DCC: variants seen among roughly 807,000 people sequenced by gnomAD.
The protein encoded by DCC is netrin receptor DCC.
Under a neutral mutation model 172.5 loss-of-function variants are expected in DCC, and 58 were observed. The ratio of observed to expected loss-of-function variants is 0.34; its 90% CI spans 0.27 to 0.42. DCC has a LOEUF of 0.42. DCC is among the 10% of genes least tolerant of loss of function. The pLI is 1.00. For synonymous variants in DCC, 709 were observed against 644.5 expected, an observed-to-expected ratio of 1.10 and a Z score of -1.52; for missense variants, 1,740 against 1,791.0, an observed-to-expected ratio of 0.97 and a Z score of 0.51.
At chr18:52,795,068 A>G (rs2037846360) in intron 2 of DCC, among the ~76,000 whole-genome samples, 1 of 141,520 alleles carries the variant, frequency 7.1e-6, no homozygotes, top group Non-Finnish European at 1.6e-5. Context: ...TATTGATCAG[A>G]AAAAATGGCC....
intron 5 of DCC, among the ~76,000 whole-genome samples, chr18:52,984,334 A>G (rs1011364547): frequency 1.3e-5 from 2 of 152,130 alleles, no homozygotes; most frequent in Non-Finnish European, 2.9e-5. Context: ...GGGAGGACTT[A>G]GGTTTTCAAA....
chr18:53,427,347 G>T (rs1911039044), intron 21 of DCC, among the ~76,000 whole-genome samples: 3 of 152,050 alleles, frequency 2.0e-5, no homozygotes, highest in Non-Finnish European at 4.4e-5. Context: ...TGACAGGAAG[G>T]ACTTCAGAGA....
intron 7 of DCC, among the ~76,000 whole-genome samples, chr18:53,117,006 A>G (rs1292655908): frequency 1.3e-5 from 2 of 151,720 alleles, no homozygotes; most frequent in African/African-American, 4.8e-5. Flanking sequence ...TTCACATTGA[A>G]CTATTTTTTA....
chr18:53,211,682 C>T (rs2055755265), intron 11 of DCC, among the ~76,000 whole-genome samples: 1 of 152,006 alleles, frequency 6.6e-6, no homozygotes, highest in African/African-American at 2.4e-5. Flanking sequence ...CGAGATCGTG[C>T]CTCTGCACTG....
chr18:53,110,636 A>G (rs2043316412), intron 7 of DCC, among the ~76,000 whole-genome samples: 1 of 150,806 alleles, frequency 6.6e-6, no homozygotes. Flanking sequence ...CAGCCAAAAA[A>G]CACATGAAAA....
chr18:53,521,204 G>A (rs2046395370), intron 27 of DCC, among the ~76,000 whole-genome samples: 1 of 152,096 alleles, frequency 6.6e-6, no homozygotes, highest in Admixed American at 6.6e-5. Context: ...CTTTTGTGAG[G>A]CTCACCATGT....
chr18:52,815,370 A>G (rs2038274596), intron 2 of DCC, among the ~76,000 whole-genome samples: 1 of 151,760 alleles, frequency 6.6e-6, no homozygotes, highest in Admixed American at 6.6e-5. Flanking sequence ...TAAAAGAGGA[A>G]GAGATAGTAG....
chr18:53,355,785 T>C (rs1444274005), intron 15 of DCC, among the ~76,000 whole-genome samples: 1 of 152,128 alleles, frequency 6.6e-6, no homozygotes, highest in Non-Finnish European at 1.5e-5. Context: ...CTGGCACTCG[T>C]TCTTATTTTT....
At chr18:52,479,144 A>T (rs1989180669) in intron 1 of DCC, among the ~76,000 whole-genome samples, 1 of 152,186 alleles carries the variant, frequency 6.6e-6, no homozygotes, top group Non-Finnish European at 1.5e-5. Flanking sequence ...ATATGGAGAG[A>T]TATGTACAGT....
chr18:52,933,763 G>A (rs2040342904), intron 5 of DCC, among the ~76,000 whole-genome samples: 1 of 152,050 alleles, frequency 6.6e-6, no homozygotes, highest in African/African-American at 2.4e-5. Context: ...AGCTACAAGT[G>A]CAGTTTTGTT....
At chr18:52,540,597 C>CTTTTTTTTTTTT (rs71175505) in intron 1 of DCC, among the ~76,000 whole-genome samples, 2 of 67,492 alleles carry the variant, frequency 3.0e-5, no homozygotes, top group South Asian at 5.5e-4. Context: ...ATTCAACTGC[C>CTTTTTTTTTTTT]TTTTTTTTTT....
At chr18:52,737,157 T>G (rs2036742789) in intron 1 of DCC, among the ~76,000 whole-genome samples, 1 of 152,198 alleles carries the variant, frequency 6.6e-6, no homozygotes, top group Non-Finnish European at 1.5e-5. Flanking sequence ...ACTGATTTTT[T>G]TTATATTAGA....
chr18:52,660,537 G>A (rs2035340154), intron 1 of DCC, among the ~76,000 whole-genome samples: 1 of 152,128 alleles, frequency 6.6e-6, no homozygotes, highest in African/African-American at 2.4e-5. Context: ...ATGAATCTGA[G>A]GGAGTAGAGT....
intron 2 of DCC, among the ~76,000 whole-genome samples, chr18:52,793,208 T>G (rs1427598894): frequency 6.6e-6 from 1 of 152,200 alleles, no homozygotes; most frequent in African/African-American, 2.4e-5. Context: ...GCAAATGGAC[T>G]TTCCGGTTGA....
intron 1 of DCC, among the ~76,000 whole-genome samples, chr18:52,382,954 A>G (rs1469330807): frequency 3.3e-5 from 5 of 152,186 alleles, no homozygotes; most frequent in Non-Finnish European, 7.4e-5. Flanking sequence ...CATGTTTTAA[A>G]AATTATGCAC....
chr18:53,090,028 G>A lies in DCC; in HGVS notation c.1261+23862G>A, dbSNP rs541907784. On this transcript the variant is annotated intron_variant, in intron 7 of 28. Coordinates refer to ENST00000442544, the MANE Select transcript of DCC (RefSeq NM_005215.4). ...GCTCTACTTTCTCCCCACTCCCCTC[G>A]CTATTTGGCACACTATTTTGTCCTC... Among the ~76,000 whole-genome samples, 53 of 152,040 alleles carry A rather than the reference G, an allele frequency of 3.5e-4. No homozygotes were observed. The South Asian group carries it at 0.01, about 30-fold the overall frequency.
intron 22 of DCC, among the ~76,000 whole-genome samples, chr18:53,448,776 C>T (rs551173773): frequency 1.3e-5 from 2 of 152,106 alleles, no homozygotes; most frequent in Non-Finnish European, 1.5e-5. Context: ...TCGCTTGAAC[C>T]CAGAAGGCAG....
chr18:53,486,997 A>G, intron 26 of DCC, 39 bp downstream of exon 26: 1 of 1,612,770 alleles, frequency 6.2e-7, no homozygotes, highest in Non-Finnish European at 8.5e-7. Flanking sequence ...GCACAAATGA[A>G]TAATAGCAAA....
chr18:52,812,767 G>C (rs1468186052), intron 2 of DCC, among the ~76,000 whole-genome samples: 1 of 152,178 alleles, frequency 6.6e-6, no homozygotes, highest in African/African-American at 2.4e-5. Flanking sequence ...TTATGTACTT[G>C]CTGCTCATTG....
Sources: gnomAD v4.1 joint callset for allele counts (sites outside exome capture counted in the v4.1 genomes callset) on GRCh38, gnomAD v4.1.1 for gene constraint, MANE v1.5 for transcripts, NCBI Gene and HGNC (gene_info 2026-07-23, HGNC 2026-07-21) for gene names.